The following FRMPD4 variants were observed in gnomAD, a reference collection of about 807,000 sequenced individuals.
FRMPD4 encodes the protein FERM and PDZ domain-containing protein 4.
In FRMPD4, 22 loss-of-function variants were observed where a neutral mutation model predicts 94.1. The ratio of observed to expected loss-of-function variants is 0.23; its 90% CI spans 0.17 to 0.33. The LOEUF is 0.33. Ranked by LOEUF, FRMPD4 falls within the 10% of genes least tolerant of loss-of-function variation. The pLI is 1.00. For missense variants in FRMPD4, 1,111 were observed against 1,339.9 expected (o/e 0.83, Z 2.67); for synonymous variants, 631 against 548.6 (o/e 1.15, Z -2.10).
At position 12,072,204 on chromosome X, in the gene FRMPD4, T is replaced by C. The variant is rs1325648887; in HGVS notation, c.95+194186T>C. The stretch of plus-strand genomic sequence containing the variant: ...TCATAGCAATATCACTGTCGACTTA[T>C]AGCTGGGAACAGCACATTTCTATTT... On this transcript the variant is annotated intron_variant, in intron 3 of 18. Transcript: ENST00000640291. Among the ~76,000 whole-genome samples, 3 of 111,657 alleles carry C rather than the reference T, an allele frequency of 2.7e-5. No homozygotes were observed. The East Asian group carries it at 8.5e-4, about 32-fold the overall frequency.
rs1453173780 is a variant in FRMPD4 at position 12,721,492 on chromosome X, G to A, written c.4923G>A (p.Gln1641=). Residue 1641 remains glutamine (Q), a synonymous_variant, in exon 17 of 17, where the codon CAG becomes CAA. Coordinates refer to ENST00000675598, the MANE Select transcript of FRMPD4 (RefSeq NM_001368397.1). ...RPEAYDLTLS[Q]YKQLLSIESR... ...AAGCGTACGACCTTACACTTTCTCA[G>A]TACAAGCAACTGTTATCCATTGAGT... is the stretch of plus-strand genomic sequence containing the variant. 2.7e-6 allele frequency: 2 copies of A among 753,996 alleles called. No homozygotes were observed. Among genetic ancestry groups the A allele is most frequent in the Admixed American group, 1.8e-4 (2 of 11,353 alleles). The allele number at this position is 753,996 out of a possible 1,213,427, so 62.1% of individuals were successfully genotyped here. A position where few individuals can be genotyped will look rare whatever the true frequency, so the allele number is the denominator to read the frequency against.
intron 4 of FRMPD4, among the ~76,000 whole-genome samples, chrX:12,615,834 T>G (rs1348749730): frequency 3.6e-5 from 4 of 110,547 alleles, no homozygotes; most frequent in Non-Finnish European, 7.6e-5. Context: ...CTTCAATTAC[T>G]TTTGCACCAA....
intron 4 of FRMPD4, among the ~76,000 whole-genome samples, chrX:12,617,012 A>G (rs911670970): frequency 2.7e-5 from 3 of 112,588 alleles, no homozygotes; most frequent in Non-Finnish European, 5.6e-5. Context: ...CAGTTGTTCC[A>G]GGGACTTTTA....
chrX:12,550,715 TTAA>T (rs2058526129), intron 2 of FRMPD4, among the ~76,000 whole-genome samples: 1 of 110,951 alleles, frequency 9.0e-6, no homozygotes, highest in Non-Finnish European at 1.9e-5. Context: ...AAAGATTGAT[TTAA>T]TAATACTCCT....
chrX:12,475,886 G>A (rs1445582250), intron 1 of FRMPD4, among the ~76,000 whole-genome samples: 1 of 111,134 alleles, frequency 9.0e-6, no homozygotes, highest in Non-Finnish European at 1.9e-5. Context: ...TGGCCATAAT[G>A]CCCAAGGTAA....
chrX:12,282,263 G>A (rs1466697736), intron 1 of FRMPD4, among the ~76,000 whole-genome samples: 2 of 112,108 alleles, frequency 1.8e-5, no homozygotes, highest in African/African-American at 6.5e-5. Context: ...TTAGTAAACT[G>A]CAGGCCTGGG....
chrX:12,568,621 G>T (rs1365560373), intron 2 of FRMPD4, among the ~76,000 whole-genome samples: 1 of 111,939 alleles, frequency 8.9e-6, no homozygotes, highest in Non-Finnish European at 1.9e-5. Context: ...TTGATATCTT[G>T]TGGGCAATGG....
chrX:11,962,931 C>A (rs1601858978), intron 3 of FRMPD4, among the ~76,000 whole-genome samples: 1 of 111,753 alleles, frequency 8.9e-6, no homozygotes, highest in Non-Finnish European at 1.9e-5. Context: ...CTTTTGTTAC[C>A]CTGTTATACA....
In FRMPD4 at chrX:12,556,977, G is replaced by A. The variant is rs998751093; in HGVS notation, c.159-52744G>A. ...ACACCACCATTCCTGGCTAATTTTTGTATTTTCGGTAGACATGAGATTGTA... is the reference window on the plus strand; with the variant it reads ...ACACCACCATTCCTGGCTAATTTTTATATTTTCGGTAGACATGAGATTGTA... On this transcript the variant is annotated intron_variant, in intron 2 of 16. Coordinates refer to ENST00000675598, the MANE Select transcript of FRMPD4 (RefSeq NM_001368397.1). 2.7e-5 allele frequency among the ~76,000 whole-genome samples: 3 copies of A among 111,781 alleles called. No individual in the cohort carries two copies. In the East Asian group the frequency reaches 8.4e-4, roughly 31 times the overall value.
chrX:12,301,225 T>C (rs1204629935), intron 1 of FRMPD4, among the ~76,000 whole-genome samples: 1 of 111,791 alleles, frequency 8.9e-6, no homozygotes, highest in Middle Eastern at 4.2e-3. Flanking sequence ...GTAGCACCAG[T>C]CTCTCCCATA....
At chrX:12,231,483 A>T (rs1311541219) in intron 1 of FRMPD4, among the ~76,000 whole-genome samples, 1 of 111,361 alleles carries the variant, frequency 9.0e-6, no homozygotes, top group Non-Finnish European at 1.9e-5. Flanking sequence ...GCCTGCCAGG[A>T]TCAAGCTTAC....
At chrX:12,322,976 A>G (rs1569231124) in intron 1 of FRMPD4, among the ~76,000 whole-genome samples, 2 of 111,774 alleles carry the variant, frequency 1.8e-5, no homozygotes. Context: ...GGGTCTCACA[A>G]TCAATAGTAT....
At chrX:12,092,701 A>G (rs2055164311) in intron 3 of FRMPD4, among the ~76,000 whole-genome samples, 1 of 111,760 alleles carries the variant, frequency 8.9e-6, no homozygotes, top group Non-Finnish European at 1.9e-5. Flanking sequence ...AGTTGTGTTC[A>G]TTCATCCAAC....
At chrX:11,859,179 A>T (rs773665973) in intron 1 of FRMPD4, among the ~76,000 whole-genome samples, 107 of 111,857 alleles carry the variant, frequency 9.6e-4, no homozygotes, top group African/African-American at 3.2e-3. Flanking sequence ...TTAAAAAATT[A>T]TTCATTTTCT....
intron 3 of FRMPD4, among the ~76,000 whole-genome samples, chrX:12,110,201 C>T (rs1282601813): frequency 1.8e-5 from 2 of 112,237 alleles, no homozygotes; most frequent in Non-Finnish European, 1.9e-5. Context: ...TCCAGCAACA[C>T]ATCAAAAAGC....
At chrX:12,073,064 CT>C (rs1193189545) in intron 3 of FRMPD4, among the ~76,000 whole-genome samples, 2 of 111,397 alleles carry the variant, frequency 1.8e-5, no homozygotes, top group Non-Finnish European at 3.8e-5. Flanking sequence ...AAAGGTTTAT[CT>C]AAGTTGATAC....
intron 3 of FRMPD4, among the ~76,000 whole-genome samples, chrX:12,016,867 C>T (rs2054607282): frequency 1.8e-5 from 2 of 111,840 alleles, no homozygotes; most frequent in Non-Finnish European, 3.8e-5. Context: ...CTCACCTTTC[C>T]AATGAAGCAA....
intron 3 of FRMPD4, among the ~76,000 whole-genome samples, chrX:11,945,695 G>A (rs1230108283): frequency 9.0e-6 from 1 of 111,120 alleles, no homozygotes; most frequent in African/African-American, 3.3e-5. Flanking sequence ...TAGGTGCCAG[G>A]CTCCTTTTAA....
At chrX:12,261,846 G>C (rs1300043739) in intron 1 of FRMPD4, among the ~76,000 whole-genome samples, 2 of 111,603 alleles carry the variant, frequency 1.8e-5, no homozygotes, top group Non-Finnish European at 3.8e-5. Flanking sequence ...AAGCACAAAT[G>C]TCAATATACC....
Sources: allele counts gnomAD v4.1 joint callset (sites outside exome capture counted in the v4.1 genomes callset), GRCh38; gene constraint gnomAD v4.1.1; transcripts MANE v1.5; gene names NCBI Gene and HGNC (gene_info 2026-07-23, HGNC 2026-07-21).